Variants in SYN3 observed in about 807,000 individuals in gnomAD.
SYN3 encodes the protein synapsin III, also known as synapsin-3.
SYN3 carries 35 observed loss-of-function variants against 65.8 expected under a neutral mutation model. The ratio of observed to expected loss-of-function variants is 0.53; its 90% CI spans 0.41 to 0.70. The LOEUF is 0.70. Ranked by LOEUF, SYN3 falls within the 30% of genes least tolerant of loss-of-function variation. SYN3 has a pLI of 0.00. For synonymous variants in SYN3, 270 were observed against 292.9 expected, an observed-to-expected ratio of 0.92 and a Z score of 0.80; for missense variants, 680 against 749.0, an observed-to-expected ratio of 0.91 and a Z score of 1.08.
At chr22:32,581,388 A>G (rs910748135) in intron 7 of SYN3, among the ~76,000 whole-genome samples, 2 of 152,228 alleles carry the variant, frequency 1.3e-5, no homozygotes, top group African/African-American at 4.8e-5. Flanking sequence ...GGATTATAGT[A>G]GGCATGAGCC....
At chr22:32,748,210 C>T (rs539238179) in intron 6 of SYN3, among the ~76,000 whole-genome samples, 9 of 152,294 alleles carry the variant, frequency 5.9e-5, no homozygotes, top group Non-Finnish European at 1.2e-4. Context: ...GAACAACCTA[C>T]CTGAGGTATC....
intron 7 of SYN3, among the ~76,000 whole-genome samples, chr22:32,548,257 G>A (rs944425455): frequency 2.0e-5 from 3 of 152,214 alleles, no homozygotes; most frequent in Non-Finnish European, 2.9e-5. Flanking sequence ...GTTTCACCAT[G>A]TTGGCCAGGA....
At chr22:32,773,881 A>C (rs1397207551) in intron 6 of SYN3, among the ~76,000 whole-genome samples, 1 of 152,082 alleles carries the variant, frequency 6.6e-6, no homozygotes, top group African/African-American at 2.4e-5. Context: ...CTGCAGGGAG[A>C]ACTGATATCC....
intron 4 of SYN3, among the ~76,000 whole-genome samples, chr22:32,890,195 C>T (rs901020844): frequency 1.3e-5 from 2 of 150,476 alleles, no homozygotes; most frequent in Non-Finnish European, 2.9e-5. Flanking sequence ...CCTCTCACCT[C>T]GGCCTCCCAA....
chr22:32,931,319 G>A (rs112301454), intron 4 of SYN3, 71 bp downstream of exon 4: 24 of 1,006,026 alleles, frequency 2.4e-5, no homozygotes, highest in East Asian at 1.2e-4. Context: ...GGAAGTGGAC[G>A]GAGGGGTGGG....
intron 7 of SYN3, among the ~76,000 whole-genome samples, chr22:32,577,500 C>T (rs1892305159): frequency 6.6e-6 from 1 of 152,148 alleles, no homozygotes; most frequent in South Asian, 2.1e-4. Flanking sequence ...CTAAGTACAG[C>T]GTCTACACAC....
At chr22:32,730,578 A>G (rs1602005178) in intron 6 of SYN3, among the ~76,000 whole-genome samples, 2 of 152,320 alleles carry the variant, frequency 1.3e-5, no homozygotes, top group Admixed American at 1.3e-4. Flanking sequence ...TCACTTTTAC[A>G]GACAATAATA....
At chr22:32,868,135 A>G (rs927518481) in intron 5 of SYN3, among the ~76,000 whole-genome samples, 3 of 152,202 alleles carry the variant, frequency 2.0e-5, no homozygotes, top group Admixed American at 2.0e-4. Context: ...AGTGCCAGGT[A>G]GCATAGTTTT....
At chr22:32,712,835 G>A (rs754854095) in intron 6 of SYN3, among the ~76,000 whole-genome samples, 3 of 152,050 alleles carry the variant, frequency 2.0e-5, no homozygotes, top group Non-Finnish European at 4.4e-5. Flanking sequence ...TGGAATGTGC[G>A]AATCCCTGTT....
intron 6 of SYN3, among the ~76,000 whole-genome samples, chr22:32,797,454 G>A (rs2046456322): frequency 6.6e-6 from 1 of 152,120 alleles, no homozygotes; most frequent in African/African-American, 2.4e-5. Flanking sequence ...GAGGTTTCCC[G>A]GAGGAGGTGA....
chr22:32,557,449 C>G (rs9621488), intron 7 of SYN3, among the ~76,000 whole-genome samples: 36,176 of 152,186 alleles, frequency 0.24, 4,546 homozygotes, highest in Admixed American at 0.32. Context: ...TTTTCACACT[C>G]ATTCTTTCAA....
Position 32,712,591 on chromosome 22 carries a change from G to A in SYN3, c.712-115855C>T, listed in dbSNP as rs572720638. Among the ~76,000 whole-genome samples the A allele has an allele frequency of 2.6e-5, 4 of 152,184 alleles. No homozygotes were observed. In the East Asian group the frequency reaches 5.8e-4, roughly 22 times the overall value. On this transcript the variant is annotated intron_variant, in intron 6 of 13. Coordinates refer to ENST00000358763, the MANE Select transcript of SYN3 (RefSeq NM_003490.4). Reference sequence around the variant, plus strand: ...ACAAGACCATGTGATTTGGGGTTCTGATGTATTTCCCAGAAACTCTGTTGT... The same window carrying A: ...ACAAGACCATGTGATTTGGGGTTCTAATGTATTTCCCAGAAACTCTGTTGT...
intron 13 of SYN3, 140 bp downstream of exon 13, chr22:32,517,903 G>A: frequency 1.1e-6 from 1 of 925,116 alleles, no homozygotes; most frequent in South Asian, 3.8e-5. Context: ...CTGTCCTCTA[G>A]TCCTGTTTTT....
At chr22:33,016,092 C>T (rs566803536) in intron 1 of SYN3, among the ~76,000 whole-genome samples, 4 of 152,128 alleles carry the variant, frequency 2.6e-5, no homozygotes, top group Admixed American at 6.5e-5. Flanking sequence ...GTGATCCACT[C>T]GCCTCGGCCT....
chr22:32,653,304 C>T (rs2060098969), intron 6 of SYN3, among the ~76,000 whole-genome samples: 1 of 151,884 alleles, frequency 6.6e-6, no homozygotes, highest in Non-Finnish European at 1.5e-5. Context: ...GATGATGCCC[C>T]TTAGGCTTTA....
intron 6 of SYN3, among the ~76,000 whole-genome samples, chr22:32,692,961 T>G (rs1251283590): frequency 6.6e-6 from 1 of 152,202 alleles, no homozygotes; most frequent in African/African-American, 2.4e-5. Context: ...CAGAAATTTC[T>G]ATGTATAAAT....
intron 6 of SYN3, among the ~76,000 whole-genome samples, chr22:32,858,887 A>C (rs2048454881): frequency 6.6e-6 from 1 of 152,198 alleles, no homozygotes; most frequent in African/African-American, 2.4e-5. Flanking sequence ...AAGTCCTCTC[A>C]GTAGTCTAAT....
chr22:33,056,401 C>T (rs2054254260), intron 1 of SYN3, among the ~76,000 whole-genome samples: 1 of 152,208 alleles, frequency 6.6e-6, no homozygotes, highest in Admixed American at 6.5e-5. Flanking sequence ...ACACTCATGA[C>T]TTCCCCATGT....
chr22:32,969,258 T>G lies in SYN3; in HGVS notation c.369+11387A>C, dbSNP rs116136709. 2.8e-3 allele frequency among the ~76,000 whole-genome samples: 424 copies of G among 152,222 alleles called. 1 individual carries two copies. Among genetic ancestry groups the G allele is most frequent in the African/African-American group, 9.9e-3 (410 of 41,538 alleles). ...ACCAAACCAGGATGCTGTACTCTCC[T>G]CCAGCAGAAAAGAAGAGGAGAGTCT... On this transcript the variant is annotated intron_variant, in intron 3 of 13. Transcript: ENST00000358763.
Sources: gnomAD v4.1 joint callset for allele counts (sites outside exome capture counted in the v4.1 genomes callset) on GRCh38, gnomAD v4.1.1 for gene constraint, MANE v1.5 for transcripts, NCBI Gene and HGNC (gene_info 2026-07-23, HGNC 2026-07-21) for gene names.